The following SLC14A2 variants were observed in gnomAD, a reference collection of about 807,000 sequenced individuals.
SLC14A2 encodes the protein solute carrier family 14 member 2, also known as urea transporter 2.
Under a neutral mutation model 104.6 loss-of-function variants are expected in SLC14A2, and 91 were observed. That is an observed-to-expected ratio of 0.87 (90% CI 0.73 to 1.04). SLC14A2 has a LOEUF of 1.04. SLC14A2 is among the 50% of genes least tolerant of loss of function. The pLI is 0.00. For synonymous variants in SLC14A2, 476 were observed against 466.4 expected (o/e 1.02, Z -0.27); for missense variants, 1,189 against 1,156.0 (o/e 1.03, Z -0.41).
chr18:45,341,362 C>A (rs988697656), intron 1 of SLC14A2, among the ~76,000 whole-genome samples: 2 of 152,176 alleles, frequency 1.3e-5, no homozygotes, highest in African/African-American at 4.8e-5. Context: ...GTATTGGTAA[C>A]CTCATTTGCA....
At chr18:45,516,813 A>G (rs2043447962) in intron 2 of SLC14A2, among the ~76,000 whole-genome samples, 1 of 152,230 alleles carries the variant, frequency 6.6e-6, no homozygotes, top group Non-Finnish European at 1.5e-5. Context: ...CTCAGCTTCA[A>G]GATTAACCAG....
intron 10 of SLC14A2, among the ~76,000 whole-genome samples, chr18:45,657,741 C>T (rs2045865951): frequency 6.6e-6 from 1 of 152,168 alleles, no homozygotes; most frequent in African/African-American, 2.4e-5. Context: ...CTTGTGGCCT[C>T]AGTTTCCAAA....
intron 1 of SLC14A2, among the ~76,000 whole-genome samples, chr18:45,271,091 G>C (rs1428398698): frequency 6.6e-6 from 1 of 152,166 alleles, no homozygotes; most frequent in African/African-American, 2.4e-5. Flanking sequence ...CTGAAGCTTA[G>C]ATGGTGGATC....
intron 2 of SLC14A2, among the ~76,000 whole-genome samples, chr18:45,588,840 G>A (rs1042413009): frequency 3.9e-5 from 6 of 152,084 alleles, no homozygotes; most frequent in African/African-American, 1.2e-4. Context: ...ACCCTAAACC[G>A]TAATTCTTTT....
intron 2 of SLC14A2, among the ~76,000 whole-genome samples, chr18:45,522,219 C>T (rs550410078): frequency 1.1e-4 from 16 of 152,304 alleles, no homozygotes; most frequent in African/African-American, 3.6e-4. Flanking sequence ...GGAAAGTTGG[C>T]AGCGTCAAGT....
In SLC14A2 at chr18:45,582,718, T is replaced by C. The variant is rs939915679; in HGVS notation, c.-34-41913T>C. ...CCACCACCCTTTACTGCAATGTCAC[T>C]ATCTGTGACTTACTCCTGCTGGCTC... On this transcript the variant is annotated intron_variant, in intron 2 of 20. Coordinates refer to the SLC14A2 transcript ENST00000586448. 4.6e-5 allele frequency among the ~76,000 whole-genome samples: 7 copies of C among 152,182 alleles called. 1 individual carries two copies. Among genetic ancestry groups the C allele is most frequent in the South Asian group, 4.1e-4 (2 of 4,828 alleles).
At chr18:45,341,013 C>CT (rs1278800244) in intron 1 of SLC14A2, among the ~76,000 whole-genome samples, 14 of 152,316 alleles carry the variant, frequency 9.2e-5, no homozygotes, top group Non-Finnish European at 1.5e-5. Flanking sequence ...AGCCATCCTC[C>CT]TGTCATCCAG....
intron 1 of SLC14A2, among the ~76,000 whole-genome samples, chr18:45,433,841 A>G (rs1483259347): frequency 6.6e-6 from 1 of 152,188 alleles, no homozygotes; most frequent in African/African-American, 2.4e-5. Flanking sequence ...AGTTTTAAAA[A>G]GAAAAGAAAG....
intron 1 of SLC14A2, among the ~76,000 whole-genome samples, chr18:45,246,171 A>G (rs1440498901): frequency 6.6e-6 from 1 of 152,196 alleles, no homozygotes; most frequent in Non-Finnish European, 1.5e-5. Context: ...AAGAGACACC[A>G]GGAATATATT....
chr18:45,423,261 A>G (rs993909226), intron 1 of SLC14A2, among the ~76,000 whole-genome samples: 12 of 152,220 alleles, frequency 7.9e-5, no homozygotes, highest in Admixed American at 7.9e-4. Context: ...CAGTTTTACA[A>G]TCAAGATGCT....
chr18:45,666,196 C>A lies in SLC14A2; in HGVS notation c.1534C>A (p.Arg512=). The change falls in exon 12 of 20, where the codon CGG becomes AGG. Residue 512 remains arginine, a synonymous_variant. Coordinates refer to ENST00000255226, the MANE Select transcript of SLC14A2 (RefSeq NM_007163.4). ...QNKDPFPYRY[R]KPTVELLDLD... ...CAAAGACCCATTTCCCTATCGATAC[C>A]GGAAGCCCACAGTCGAGCTGCTTGT... The A allele has an allele frequency of 2.5e-6, 4 of 1,613,284 alleles. No individual in the cohort carries two copies. The highest frequency in any genetic ancestry group is 3.4e-6 in the Non-Finnish European group (4 of 1,179,252).
chr18:45,596,971 AG>A (rs2044725420), intron 2 of SLC14A2, among the ~76,000 whole-genome samples: 1 of 152,232 alleles, frequency 6.6e-6, no homozygotes. Flanking sequence ...CCCATCCCCT[AG>A]AAATGGCCTT....
intron 2 of SLC14A2, among the ~76,000 whole-genome samples, chr18:45,558,227 G>T (rs778642700): frequency 6.6e-6 from 1 of 152,126 alleles, no homozygotes; most frequent in African/African-American, 2.4e-5. Context: ...CTAAAGCTCA[G>T]TTCAAATGCT....
chr18:45,220,308 G>T (rs1214455454), intron 1 of SLC14A2, among the ~76,000 whole-genome samples: 3 of 152,192 alleles, frequency 2.0e-5, no homozygotes, highest in Non-Finnish European at 1.5e-5. Context: ...TCTGTCTGAG[G>T]TAAACACCAT....
At chr18:45,464,629 G>T (rs1328337392) in intron 1 of SLC14A2, among the ~76,000 whole-genome samples, 1 of 152,206 alleles carries the variant, frequency 6.6e-6, no homozygotes. Context: ...GCTGCTCTTT[G>T]CCTGCCTTTG....
intron 1 of SLC14A2, among the ~76,000 whole-genome samples, chr18:45,412,216 G>C (rs1936526691): frequency 6.6e-6 from 1 of 152,164 alleles, no homozygotes; most frequent in Admixed American, 6.5e-5. Context: ...CAGCTTTGCT[G>C]GGAGATTTTA....
intron 1 of SLC14A2, among the ~76,000 whole-genome samples, chr18:45,317,916 G>A (rs1470665050): frequency 1.3e-5 from 2 of 152,066 alleles, no homozygotes; most frequent in Non-Finnish European, 2.9e-5. Flanking sequence ...TGGATGATGA[G>A]GCTCATGCTT....
intron 1 of SLC14A2, among the ~76,000 whole-genome samples, chr18:45,287,402 C>G (rs2084825188): frequency 6.6e-6 from 1 of 152,228 alleles, no homozygotes; most frequent in Non-Finnish European, 1.5e-5. Flanking sequence ...GTGTTGTGAA[C>G]CTAGTGTGCT....
At chr18:45,455,645 T>C (rs573372283) in intron 1 of SLC14A2, among the ~76,000 whole-genome samples, 1 of 142,654 alleles carries the variant, frequency 7.0e-6, no homozygotes, top group Non-Finnish European at 1.6e-5. Flanking sequence ...AGCATAATAA[T>C]AATAATAATA....
Sources: allele counts gnomAD v4.1 joint callset (sites outside exome capture counted in the v4.1 genomes callset), GRCh38; gene constraint gnomAD v4.1.1; transcripts MANE v1.5; gene names NCBI Gene and HGNC (gene_info 2026-07-23, HGNC 2026-07-21).